Variants in ARHGAP23 observed in about 807,000 individuals in gnomAD.
The protein encoded by ARHGAP23 is rho GTPase-activating protein 23.
In ARHGAP23, 34 loss-of-function variants were observed where a neutral mutation model predicts 136.3. The observed-to-expected ratio is 0.25, with a 90% confidence interval of 0.19 to 0.33. The LOEUF (loss-of-function observed/expected upper bound fraction) is 0.33, where lower values mean the gene tolerates loss of function less well. ARHGAP23 is among the 10% of genes least tolerant of loss of function. ARHGAP23 has a pLI of 1.00. For missense variants in ARHGAP23, 1,808 were observed against 2,139.0 expected (o/e 0.85, Z 3.05); for synonymous variants, 832 against 920.5 (o/e 0.90, Z 1.74).
chr17:38,447,398 C>T (rs912858558), intron 1 of ARHGAP23, among the ~76,000 whole-genome samples: 9 of 138,646 alleles, frequency 6.5e-5, no homozygotes, highest in African/African-American at 2.2e-4. Context: ...GCCGAGATCT[C>T]GCCACTTCAC....
intron 23 of ARHGAP23, among the ~76,000 whole-genome samples, chr17:38,508,962 GGAA>G (rs2040693466): frequency 6.9e-6 from 1 of 144,792 alleles, no homozygotes. Context: ...TATTTTCTAG[GGAA>G]CACGAACAGA....
At chr17:38,469,368 C>T (rs1449791228) in intron 8 of ARHGAP23, 69 bp downstream of exon 8, 4 of 1,494,112 alleles carry the variant, frequency 2.7e-6, no homozygotes, top group East Asian at 2.5e-5. Flanking sequence ...CTCTGTTGGG[C>T]CTGCTGCTTG....
intron 16 of ARHGAP23, among the ~76,000 whole-genome samples, chr17:38,485,648 G>T (rs1350470401): frequency 6.6e-6 from 1 of 152,186 alleles, no homozygotes; most frequent in South Asian, 2.1e-4. Context: ...AGCCAGTTGT[G>T]TGGAGGCGGG....
chr17:38,487,813 A>G (rs1434735934), intron 17 of ARHGAP23, among the ~76,000 whole-genome samples: 15 of 152,150 alleles, frequency 9.9e-5, no homozygotes, highest in Admixed American at 9.2e-4. Flanking sequence ...GCAGTGAGCC[A>G]AGATCGCACC....
chr17:38,457,462 C>T (rs1240091080), intron 1 of ARHGAP23: 1 of 154,016 alleles, frequency 6.5e-6, no homozygotes, highest in Non-Finnish European at 1.5e-5. Flanking sequence ...GATGCATGCG[C>T]ATGCGTCTGT....
At chr17:38,447,202 G>A (rs902569167) in intron 1 of ARHGAP23, among the ~76,000 whole-genome samples, 2 of 152,108 alleles carry the variant, frequency 1.3e-5, no homozygotes, top group African/African-American at 4.8e-5. Context: ...AGCACTTCGG[G>A]AGGCCGAGGC....
chr17:38,501,363 A>G (rs573045779), intron 23 of ARHGAP23, among the ~76,000 whole-genome samples: 1 of 151,910 alleles, frequency 6.6e-6, no homozygotes, highest in Non-Finnish European at 1.5e-5. Context: ...GTGCAGTGGC[A>G]CCATCTCGGC....
At chr17:38,445,303 T>TAAA (rs61636599) in intron 1 of ARHGAP23, among the ~76,000 whole-genome samples, 4 of 111,588 alleles carry the variant, frequency 3.6e-5, no homozygotes, top group African/African-American at 1.4e-4. Context: ...TGTCTCTACT[T>TAAA]AAAAAAAAAA....
At chr17:38,492,369 G>A (rs1438916998) in intron 20 of ARHGAP23, among the ~76,000 whole-genome samples, 2 of 152,176 alleles carry the variant, frequency 1.3e-5, no homozygotes, top group Non-Finnish European at 2.9e-5. Context: ...CTGGTCAGAG[G>A]AAGGGAAGCC....
intron 10 of ARHGAP23, 22 bp downstream of exon 10, chr17:38,469,926 G>C: frequency 1.9e-6 from 3 of 1,551,440 alleles, no homozygotes; most frequent in Admixed American, 2.0e-5. Context: ...AAGTGTGTGT[G>C]CGTGCGCAGG....
chr17:38,481,989 C>T (rs1221168441), intron 14 of ARHGAP23, 33 bp from the exon 15 acceptor site: 1 of 1,496,616 alleles, frequency 6.7e-7, no homozygotes, highest in African/African-American at 1.4e-5. Flanking sequence ...CTGGATACCC[C>T]AGCTCACTCT....
At chr17:38,458,395 C>T (rs2039382286) in intron 2 of ARHGAP23, 132 bp downstream of exon 2, 3 of 1,261,376 alleles carry the variant, frequency 2.4e-6, no homozygotes, top group Non-Finnish European at 3.2e-6. Flanking sequence ...GGCCTGACTC[C>T]CTTCTGCTGT....
intron 11 of ARHGAP23, among the ~76,000 whole-genome samples, chr17:38,473,685 C>T (rs1396344201): frequency 7.0e-4 from 41 of 58,334 alleles, no homozygotes; most frequent in Non-Finnish European, 7.2e-4. Context: ...GGTGCGGGGG[C>T]GGGTGGGCGT....
intron 23 of ARHGAP23, among the ~76,000 whole-genome samples, chr17:38,507,753 T>C (rs55759428): frequency 0.036 from 5,553 of 152,272 alleles, 355 homozygotes; most frequent in African/African-American, 0.13. Context: ...TCTGGTGTTG[T>C]GCATTGTGGG....
rs536476050 is a variant in ARHGAP23, at chr17:38,442,107, C to T, written c.63+13559C>T. ...AGTAGCTGGGACTACAGGCGTGCCCCACGGCACCTGGCTAATTTTTACTAT... is the reference window on the plus strand; with the variant it reads ...AGTAGCTGGGACTACAGGCGTGCCCTACGGCACCTGGCTAATTTTTACTAT... On this transcript the variant is annotated intron_variant, in intron 1 of 23. Coordinates refer to ENST00000622683, the MANE Select transcript of ARHGAP23 (RefSeq NM_001199417.2). Among the ~76,000 whole-genome samples the T allele has an allele frequency of 7.9e-5, 12 of 152,288 alleles. No individual in the cohort carries two copies. In the South Asian group the frequency reaches 1.5e-3, roughly 18 times the overall value.
At position 38,463,102 on chromosome 17, in the gene ARHGAP23, C is replaced by T. The variant is rs554567775; in HGVS notation, c.350-16C>T. 9.7e-5 allele frequency: 151 copies of T among 1,550,478 alleles called. No individual in the cohort carries two copies. The South Asian group carries it at 9.9e-4, about 10-fold the overall frequency. Reference sequence around the variant, plus strand: ...TGATGCCCTTTGGTCACCACTCATGCGCTCCTTGTCCCCAGGAGACCGGCT... The same window carrying T: ...TGATGCCCTTTGGTCACCACTCATGTGCTCCTTGTCCCCAGGAGACCGGCT... On this transcript the variant is annotated splice_polypyrimidine_tract_variant and intron_variant, in intron 4 of 23. Coordinates refer to ENST00000622683, the MANE Select transcript of ARHGAP23 (RefSeq NM_001199417.2).
chr17:38,507,305 A>ATAATAATAATAATAATAATGC, intron 23 of ARHGAP23, among the ~76,000 whole-genome samples: 1 of 150,796 alleles, frequency 6.6e-6, no homozygotes, highest in African/African-American at 2.4e-5. Context: ...AATAATAATA[A>ATAATAATAATAATAATAATGC]TGCTCTAGCC....
In ARHGAP23 at chr17:38,466,455, C is replaced by T. The variant is rs757522118; in HGVS notation, c.772C>T (p.Pro258Ser). Residue 258 changes from proline to serine, a missense_variant, in exon 7 of 24, where the codon CCC (proline) becomes TCC (serine). By Grantham distance (74) the Pro-to-Ser change is moderately conservative (BLOSUM62 -1). Coordinates refer to ENST00000622683, the MANE Select transcript of ARHGAP23 (RefSeq NM_001199417.2). ...GCCCCGCCCCAGCCCTGGTGCCTTC[C>T]CCCACCTCTCCTCGGAGCCCCGGAC... ...SQPRPSPGAFPHLSSEPRTPR... is the reference protein window; with the variant it reads ...SQPRPSPGAFSHLSSEPRTPR... 1.4e-5 allele frequency: 21 copies of T among 1,523,246 alleles called. No individual in the cohort carries two copies. The South Asian group carries it at 2.3e-4, about 17-fold the overall frequency. 94.4% of individuals were successfully genotyped at this position (1,523,246 alleles called of 1,614,324 possible). A position where few individuals can be genotyped will look rare whatever the true frequency, so the allele number is the denominator to read the frequency against.
intron 15 of ARHGAP23, 140 bp downstream of exon 15, chr17:38,482,283 C>G: frequency 7.1e-7 from 1 of 1,413,342 alleles, no homozygotes; most frequent in South Asian, 1.4e-5. Flanking sequence ...GAGGGGAAGG[C>G]CCCCGCCTGC....
Sources: allele counts gnomAD v4.1 joint callset (sites outside exome capture counted in the v4.1 genomes callset), GRCh38; gene constraint gnomAD v4.1.1; transcripts MANE v1.5; gene names NCBI Gene and HGNC (gene_info 2026-07-23, HGNC 2026-07-21).